The following ARMC9 variants were observed in gnomAD, a reference collection of about 807,000 sequenced individuals.
The protein encoded by ARMC9 is armadillo repeat containing 9, also known as lisH domain-containing protein ARMC9.
In ARMC9, 94 loss-of-function variants were observed where a neutral mutation model predicts 107.0. That is an observed-to-expected ratio of 0.88 (90% confidence interval 0.74 to 1.04). ARMC9 has a LOEUF of 1.04. Ranked by LOEUF, ARMC9 falls within the 50% of genes least tolerant of loss-of-function variation. The pLI is 0.00. For missense variants in ARMC9, 942 were observed against 1,030.1 expected (o/e 0.91, Z 1.17); for synonymous variants, 380 against 396.9 (o/e 0.96, Z 0.51).
chr2:231,309,661 A>G (rs2042226622), intron 19 of ARMC9, among the ~76,000 whole-genome samples: 1 of 152,128 alleles, frequency 6.6e-6, no homozygotes, highest in Non-Finnish European at 1.5e-5. Context: ...CATCTAGGGC[A>G]TAGATGTCTT....
In ARMC9 at chr2:231,293,858, A is replaced by C. The variant is rs1420925326; in HGVS notation, c.1718-2340A>C. 3 of 152,242 alleles carry C rather than the reference A, an allele frequency of 2.0e-5. No homozygotes were observed. The East Asian group carries it at 5.8e-4, about 29-fold the overall frequency. 9.4% of individuals were successfully genotyped at this position (152,242 alleles called of 1,614,324 possible). A position where few individuals can be genotyped will look rare whatever the true frequency, so the allele number is the denominator to read the frequency against. The stretch of plus-strand genomic sequence containing the variant: ...AACATTCAGATGGAAGACCAGACAC[A>C]CAAGTACCTCGGGACATCCATCACC... On this transcript the variant is annotated intron_variant, in intron 18 of 24. Coordinates refer to ENST00000611582, the MANE Select transcript of ARMC9 (RefSeq NM_001352754.2).
At chr2:231,334,979 T>C (rs2043989857) in intron 20 of ARMC9, among the ~76,000 whole-genome samples, 1 of 152,222 alleles carries the variant, frequency 6.6e-6, no homozygotes, top group Admixed American at 6.5e-5. Flanking sequence ...TGTTCCGATG[T>C]ACTGGGTACA....
At chr2:231,310,745 A>T (rs371609703) in intron 19 of ARMC9, among the ~76,000 whole-genome samples, 118 of 144,128 alleles carry the variant, frequency 8.2e-4, no homozygotes, top group African/African-American at 2.9e-3. Context: ...CTCAAAAGAT[A>T]AAAAAAAAAA....
chr2:231,293,836 A>G (rs1157635287), intron 18 of ARMC9: 4 of 152,238 alleles, frequency 2.6e-5, no homozygotes, highest in African/African-American at 9.6e-5. Context: ...GTGATTGAAC[A>G]TTCAGATGGA....
chr2:231,311,492 G>A (rs953754360), intron 19 of ARMC9, among the ~76,000 whole-genome samples: 18 of 152,198 alleles, frequency 1.2e-4, no homozygotes, highest in African/African-American at 4.3e-4. Context: ...GGGTTCTGCT[G>A]GGCGCAGTTG....
rs556982071 is a variant in ARMC9 at position 231,368,200 on chromosome 2, C to T, written c.2262-1753C>T. Among the ~76,000 whole-genome samples the T allele has an allele frequency of 1.1e-4, 16 of 152,018 alleles. No individual in the cohort carries two copies. The South Asian group carries it at 3.1e-3, about 30-fold the overall frequency. On this transcript the variant is annotated intron_variant, in intron 23 of 24. Coordinates refer to ENST00000611582, the MANE Select transcript of ARMC9 (RefSeq NM_001352754.2). ...AAAGAAAGAAACCACCTCACTAGAC[C>T]ACGTACAAAGCTCCTTTGTATGTGT...
intron 21 of ARMC9, among the ~76,000 whole-genome samples, chr2:231,352,601 G>A (rs1432593806): frequency 6.6e-6 from 1 of 151,602 alleles, no homozygotes; most frequent in Non-Finnish European, 1.5e-5. Flanking sequence ...TGGGATTACA[G>A]GCGTGAGCCA....
intron 19 of ARMC9, among the ~76,000 whole-genome samples, chr2:231,327,174 G>A (rs184068609): frequency 6.4e-4 from 98 of 152,310 alleles, no homozygotes; most frequent in African/African-American, 1.5e-3. Context: ...GGCAGTGCAC[G>A]CTCCCCCATG....
chr2:231,268,554 C>G (rs1046502374), intron 12 of ARMC9, among the ~76,000 whole-genome samples: 1 of 152,078 alleles, frequency 6.6e-6, no homozygotes, highest in African/African-American at 2.4e-5. Context: ...CCCATATTAT[C>G]TTATTTCTTG....
chr2:231,243,828 A>G (rs2036520377), intron 9 of ARMC9, among the ~76,000 whole-genome samples: 2 of 152,238 alleles, frequency 1.3e-5, no homozygotes, highest in Non-Finnish European at 2.9e-5. Context: ...CAGATTTACA[A>G]TGTGTGAAGA....
intron 19 of ARMC9, 139 bp from the exon 20 acceptor site, chr2:231,331,654 C>G (rs1229101147): frequency 1.4e-6 from 1 of 693,586 alleles, no homozygotes; most frequent in Non-Finnish European, 2.4e-6. Flanking sequence ...CCCCTGAGCC[C>G]CCTTGGAATA....
chr2:231,240,013 A>T lies in ARMC9; in HGVS notation c.851A>T (p.His284Leu), dbSNP rs769363225. 1 of 1,613,878 alleles carries T rather than the reference A, an allele frequency of 6.2e-7. No individual in the cohort carries two copies. The highest frequency in any genetic ancestry group is 8.5e-7 in the Non-Finnish European group (1 of 1,179,904). The change falls in exon 9 of 25, where the codon CAT becomes CTT. Residue 284 changes from histidine (H) to leucine (L), a missense_variant. His to Leu is a moderately conservative substitution (Grantham distance 99, BLOSUM62 -3). Transcript: ENST00000611582. ...FSNQMRQSLA[H>L]SVDFTRPGTA... The stretch of plus-strand genomic sequence containing the variant: ...AACCAGATGCGGCAGAGCCTGGCGC[A>T]TAGTGTGGACTTCACGAGGCCTGGG...
chr2:231,314,859 C>T (rs1357438221), intron 19 of ARMC9, among the ~76,000 whole-genome samples: 1 of 152,198 alleles, frequency 6.6e-6, no homozygotes, highest in Non-Finnish European at 1.5e-5. Context: ...TCTAAATTCA[C>T]CCTCCTGCAT....
At chr2:231,336,055 G>A (rs1194801066) in intron 20 of ARMC9, among the ~76,000 whole-genome samples, 1 of 151,240 alleles carries the variant, frequency 6.6e-6, no homozygotes, top group African/African-American at 2.4e-5. Flanking sequence ...TTCCAGCCTT[G>A]GAGTGCAAAA....
At chr2:231,327,879 G>C (rs1020016757) in intron 19 of ARMC9, among the ~76,000 whole-genome samples, 3 of 152,040 alleles carry the variant, frequency 2.0e-5, no homozygotes, top group Admixed American at 6.6e-5. Flanking sequence ...CTGCCTCCCG[G>C]GCTCAAGTGA....
intron 7 of ARMC9, among the ~76,000 whole-genome samples, chr2:231,231,693 A>AT (rs2035235028): frequency 1.4e-5 from 2 of 139,868 alleles, no homozygotes; most frequent in African/African-American, 5.4e-5. Flanking sequence ...CTGAAAAAAA[A>AT]ATTTTTTTTT....
intron 20 of ARMC9, among the ~76,000 whole-genome samples, chr2:231,341,313 C>A (rs1729089): frequency 6.6e-6 from 1 of 152,042 alleles, no homozygotes; most frequent in Non-Finnish European, 1.5e-5. Flanking sequence ...GACGGGTACA[C>A]TTCCTGGCAC....
Position 231,358,155 on chromosome 2 carries a change from C to A in ARMC9, c.2131+2221C>A, listed in dbSNP as rs144995541. Among the ~76,000 whole-genome samples the A allele has an allele frequency of 1.3e-5, 2 of 152,108 alleles. No homozygotes were observed. The highest frequency in any genetic ancestry group is 2.9e-5 in the Non-Finnish European group (2 of 68,030). ...CTGGGCTTTGCAGATAGGGGGACTG[C>A]GGTTAAGTCCATTAAGCCAGGGTAT... On this transcript the variant is annotated intron_variant, in intron 22 of 24. Coordinates refer to ENST00000611582, the MANE Select transcript of ARMC9 (RefSeq NM_001352754.2). This position sits in a 1 kb window ranked among gnomAD's most constrained non-coding sequence, Gnocchi z 4.5.
intron 21 of ARMC9, among the ~76,000 whole-genome samples, chr2:231,354,374 GA>G (rs1414611383): frequency 3.3e-5 from 4 of 120,100 alleles, no homozygotes; most frequent in Non-Finnish European, 6.5e-5. Flanking sequence ...TGAGCCATGT[GA>G]ATTTTTTTTT....
Sources: allele counts gnomAD v4.1 joint callset (sites outside exome capture counted in the v4.1 genomes callset), GRCh38; gene constraint gnomAD v4.1.1; non-coding constraint Gnocchi (gnomAD v3.1); transcripts MANE v1.5; gene names NCBI Gene and HGNC (gene_info 2026-07-23, HGNC 2026-07-21).